The following CECR2 variants were observed in gnomAD, a reference collection of about 807,000 sequenced individuals.
The protein encoded by CECR2 is CECR2 histone acetyl-lysine reader, also known as chromatin remodeling regulator CECR2.
A neutral mutation model predicts 154.5 loss-of-function variants in CECR2; 30 were observed. The observed-to-expected ratio is 0.19, with a 90% CI of 0.15 to 0.26. CECR2 has a LOEUF of 0.26. Ranked by LOEUF, CECR2 falls within the 10% of genes least tolerant of loss-of-function variation. The probability of loss-of-function intolerance (pLI) is 1.00; values close to 1 mark genes in which losing one functional copy is unlikely to be tolerated. For missense variants in CECR2, 1,743 were observed against 1,829.3 expected, an observed-to-expected ratio of 0.95 and a Z score of 0.86; for synonymous variants, 725 against 683.7, an observed-to-expected ratio of 1.06 and a Z score of -0.94.
rs750897323 is a variant in CECR2 at position 17,497,341 on chromosome 22, CCTT to C, written c.222-59_222-57del. 79 of 1,484,536 alleles carry C rather than the reference CCTT, an allele frequency of 5.3e-5. 1 individual carries two copies. In the East Asian group the frequency reaches 8.2e-4, roughly 15 times the overall value. The allele number at this position is 1,484,536 out of a possible 1,614,324, so 92.0% of individuals were successfully genotyped here. ...CAGATCATGAGTTCTCTCTCTCTCTCCTTCTCCCAACCAACCTATATTTTATAT... is the reference window on the plus strand; with the variant it reads ...CAGATCATGAGTTCTCTCTCTCTCTCCTCCCAACCAACCTATATTTTATAT... On this transcript the variant is annotated intron_variant, in intron 2 of 18. Coordinates refer to ENST00000262608, the MANE Select transcript of CECR2 (RefSeq NM_001290047.2).
At chr22:17,467,248 G>A (rs555219218) in intron 1 of CECR2, among the ~76,000 whole-genome samples, 2 of 152,316 alleles carry the variant, frequency 1.3e-5, no homozygotes, top group East Asian at 3.9e-4. Flanking sequence ...GAACAAGTCT[G>A]ATGTCAGTGA....
rs1055214680 is a variant in CECR2, at chr22:17,426,516, C to T, written c.127-51072C>T. ...CGACTGCAGGCATGCACCACCACGC[C>T]CAGCTAATTTTTGTATTTTTGGTAG... On this transcript the variant is annotated intron_variant, in intron 1 of 18. Transcript: ENST00000262608. Among the ~76,000 whole-genome samples, 5 of 152,206 alleles carry T rather than the reference C, an allele frequency of 3.3e-5. No homozygotes were observed. In the East Asian group the frequency reaches 9.6e-4, roughly 29 times the overall value.
intron 1 of CECR2, among the ~76,000 whole-genome samples, chr22:17,412,641 T>C (rs2054084068): frequency 6.6e-6 from 1 of 152,178 alleles, no homozygotes. Flanking sequence ...TTCCAGAGGC[T>C]CTTGCTAAAG....
intron 1 of CECR2, among the ~76,000 whole-genome samples, chr22:17,422,645 T>C (rs193139239): frequency 5.8e-4 from 89 of 152,324 alleles, no homozygotes; most frequent in African/African-American, 2.0e-3. Context: ...CTTTCATGTG[T>C]TTATATTACA....
chr22:17,383,548 C>A (rs1322856700), intron 1 of CECR2, among the ~76,000 whole-genome samples: 1 of 151,934 alleles, frequency 6.6e-6, no homozygotes, highest in Non-Finnish European at 1.5e-5. Context: ...AGAACCAACT[C>A]CTTTTAATCT....
intron 1 of CECR2, among the ~76,000 whole-genome samples, chr22:17,382,179 T>G (rs8136325): frequency 6.6e-6 from 1 of 151,578 alleles, no homozygotes; most frequent in Non-Finnish European, 1.5e-5. Flanking sequence ...CGTGAGCCAC[T>G]GTGCCCGGCC....
chr22:17,444,550 C>T (rs1029140306), intron 1 of CECR2, among the ~76,000 whole-genome samples: 1 of 152,050 alleles, frequency 6.6e-6, no homozygotes, highest in Non-Finnish European at 1.5e-5. Context: ...TCGCTTGAAC[C>T]CGGGAGGAGG....
intron 1 of CECR2, among the ~76,000 whole-genome samples, chr22:17,385,727 C>T (rs1484659951): frequency 3.3e-5 from 5 of 152,252 alleles, no homozygotes; most frequent in African/African-American, 2.4e-5. Flanking sequence ...ACTTGCTACT[C>T]GCAGGGTCGG....
At chr22:17,543,192 G>A (rs1180486334) in intron 16 of CECR2, among the ~76,000 whole-genome samples, 189 bp downstream of exon 16, 14 of 152,104 alleles carry the variant, frequency 9.2e-5, no homozygotes, top group Non-Finnish European at 1.9e-4. Context: ...GAGTGCAGTG[G>A]TGTGATTTCG....
intron 9 of CECR2, among the ~76,000 whole-genome samples, chr22:17,524,649 C>A (rs1470344911): frequency 7.2e-6 from 1 of 138,424 alleles, no homozygotes; most frequent in Non-Finnish European, 1.5e-5. Flanking sequence ...GCCTTGGCCT[C>A]CCAAAGTGCT....
At chr22:17,400,439 T>C (rs1420428967) in intron 1 of CECR2, among the ~76,000 whole-genome samples, 1 of 152,138 alleles carries the variant, frequency 6.6e-6, no homozygotes, top group Non-Finnish European at 1.5e-5. Context: ...TTGCTGGGTG[T>C]TGAATAAGGT....
intron 16 of CECR2, among the ~76,000 whole-genome samples, chr22:17,545,261 G>C (rs1180308439): frequency 1.3e-5 from 2 of 150,968 alleles, no homozygotes; most frequent in Admixed American, 6.6e-5. Context: ...TGTAAGTTCA[G>C]CTACTTGGGA....
Position 17,549,065 on chromosome 22 carries a change from A to G in CECR2, c.3778A>G (p.Thr1260Ala). 2.5e-6 allele frequency: 4 copies of G among 1,613,838 alleles called. No homozygotes were observed. The highest frequency in any genetic ancestry group is 3.4e-6 in the Non-Finnish European group (4 of 1,179,860). The stretch of plus-strand genomic sequence containing the variant: ...ACTGAATGCTGCCTTAACTTCTCCA[A>G]CCCGTATGGATGCAGTGGCTGCTAA... Reference protein sequence around the residue: ...ETLNAALTSPTRMDAVAAKVP... With the variant: ...ETLNAALTSPARMDAVAAKVP... The change falls in exon 17 of 19, where the codon ACC becomes GCC. Residue 1260 changes from threonine to alanine, a missense_variant. Thr to Ala is a moderately conservative substitution (Grantham distance 58, BLOSUM62 0). Transcript: ENST00000262608.
chr22:17,421,335 G>T (rs944953167), intron 1 of CECR2, among the ~76,000 whole-genome samples: 1 of 151,980 alleles, frequency 6.6e-6, no homozygotes, highest in African/African-American at 2.4e-5. Flanking sequence ...GCCAGGCAAG[G>T]CCGGGCGCGG....
chr22:17,390,199 T>C (rs1358790902), intron 1 of CECR2, among the ~76,000 whole-genome samples: 1 of 152,212 alleles, frequency 6.6e-6, no homozygotes, highest in Non-Finnish European at 1.5e-5. Context: ...TTTCTTGAGC[T>C]TGACCTTTTT....
intron 1 of CECR2, among the ~76,000 whole-genome samples, chr22:17,382,345 T>C (rs1411733210): frequency 1.3e-5 from 2 of 152,200 alleles, no homozygotes; most frequent in African/African-American, 4.8e-5. Context: ...AAGTCCTGTA[T>C]ACTAAGTGTT....
chr22:17,500,676 G>A lies in CECR2; in HGVS notation c.591G>A (p.Thr197=), dbSNP rs200626061. The A allele has an allele frequency of 9.7e-5, 151 of 1,557,882 alleles. No individual in the cohort carries two copies. The highest frequency in any genetic ancestry group is 3.3e-4 in the Middle Eastern group (2 of 6,026). The change falls in exon 5 of 19, where the codon ACG becomes ACA. Residue 197 remains threonine, a synonymous_variant. Coordinates refer to ENST00000262608, the MANE Select transcript of CECR2 (RefSeq NM_001290047.2). ...QKNVSSIPGK[T]GKRRGRPPKR... ...ATGTCTCAAGTATTCCTGGAAAAACGGGAAAAAGAAGAGGAAGACCCCCAA... is the reference window on the plus strand; with the variant it reads ...ATGTCTCAAGTATTCCTGGAAAAACAGGAAAAAGAAGAGGAAGACCCCCAA...
rs2056789892 is a variant in CECR2 at position 17,557,703 on chromosome 22, A to C, written c.*4863A>C. The C allele has an allele frequency of 1.3e-5, 2 of 152,280 alleles. No individual in the cohort carries two copies. The highest frequency in any genetic ancestry group is 4.1e-4 in the South Asian group (2 of 4,824). 9.4% of individuals were successfully genotyped at this position (152,280 alleles called of 1,614,324 possible). On this transcript the variant is annotated 3_prime_UTR_variant, in exon 19 of 19. Coordinates refer to ENST00000262608, the MANE Select transcript of CECR2 (RefSeq NM_001290047.2). ...GGGAGCAGGGGTATGGATATTGCAT[A>C]AGTTATTGAAATGCTGACCCCCGTT...
chr22:17,517,810 G>A (rs1385978659), intron 8 of CECR2, among the ~76,000 whole-genome samples: 2 of 152,154 alleles, frequency 1.3e-5, no homozygotes, highest in African/African-American at 4.8e-5. Flanking sequence ...CGAAGTCATC[G>A]TACATAACAG....
Sources: gnomAD v4.1 joint callset for allele counts (sites outside exome capture counted in the v4.1 genomes callset) on GRCh38, gnomAD v4.1.1 for gene constraint, MANE v1.5 for transcripts, NCBI Gene and HGNC (gene_info 2026-07-23, HGNC 2026-07-21) for gene names.